PDE4D: variants seen among roughly 807,000 people sequenced by gnomAD.
PDE4D encodes the protein phosphodiesterase 4D, also known as 3',5'-cyclic-AMP phosphodiesterase 4D.
In PDE4D, 24 loss-of-function variants were observed where a neutral mutation model predicts 87.4. The ratio of observed to expected loss-of-function variants is 0.27; its 90% CI spans 0.20 to 0.39. The LOEUF (loss-of-function observed/expected upper bound fraction) is 0.39. Ranked by LOEUF, PDE4D falls within the 10% of genes least tolerant of loss-of-function variation. PDE4D has a pLI of 1.00. For missense variants in PDE4D, 714 were observed against 1,041.0 expected, an observed-to-expected ratio of 0.69 and a Z score of 4.32; for synonymous variants, 384 against 383.2, an observed-to-expected ratio of 1.00 and a Z score of -0.02.
chr5:59,330,621 AT>A (rs139436001), intron 1 of PDE4D, among the ~76,000 whole-genome samples: 1 of 152,058 alleles, frequency 6.6e-6, no homozygotes, highest in African/African-American at 2.4e-5. Context: ...AGAGAAAACC[AT>A]TTTTTTTATT....
chr5:59,362,597 G>A (rs1381329217), intron 1 of PDE4D, among the ~76,000 whole-genome samples: 3 of 152,084 alleles, frequency 2.0e-5, no homozygotes, highest in Non-Finnish European at 4.4e-5. Context: ...CCTAAATATA[G>A]AAATGTTTCT....
intron 5 of PDE4D, among the ~76,000 whole-genome samples, chr5:59,054,477 G>A (rs968746169): frequency 6.6e-6 from 1 of 152,018 alleles, no homozygotes; most frequent in African/African-American, 2.4e-5. Flanking sequence ...AAAAGGTAGA[G>A]GAGAGCAGTG....
chr5:60,251,649 T>C (rs936360868), intron 1 of PDE4D, among the ~76,000 whole-genome samples: 1 of 151,984 alleles, frequency 6.6e-6, no homozygotes, highest in African/African-American at 2.4e-5. Flanking sequence ...TCTTTGCTAT[T>C]ATGAATAGTG....
At chr5:60,461,064 T>C (rs753288125) in intron 1 of PDE4D, among the ~76,000 whole-genome samples, 1 of 152,046 alleles carries the variant, frequency 6.6e-6, no homozygotes, top group African/African-American at 2.4e-5. Context: ...TAATAGTTAG[T>C]TCTTTAACAA....
chr5:59,607,432 C>G (rs1405179731), intron 1 of PDE4D, among the ~76,000 whole-genome samples: 1 of 152,046 alleles, frequency 6.6e-6, no homozygotes, highest in Admixed American at 6.6e-5. Context: ...CCAAATAGTT[C>G]TGTACGTTTT....
chr5:59,204,818 T>C (rs1263533802), intron 2 of PDE4D, among the ~76,000 whole-genome samples: 1 of 152,216 alleles, frequency 6.6e-6, no homozygotes, highest in African/African-American at 2.4e-5. Context: ...AATGGGATCC[T>C]AGGGAAAAGA....
intron 1 of PDE4D, among the ~76,000 whole-genome samples, chr5:59,739,830 T>C (rs1389041991): frequency 6.6e-6 from 1 of 152,096 alleles, no homozygotes; most frequent in African/African-American, 2.4e-5. Flanking sequence ...ATGTCCAATA[T>C]GAAGAGAATG....
intron 6 of PDE4D, among the ~76,000 whole-genome samples, chr5:59,015,230 G>A (rs377289835): frequency 0.099 from 14,987 of 151,154 alleles, 977 homozygotes; most frequent in Non-Finnish European, 0.13. Context: ...CTTCATGTCT[G>A]AAACACCAAA....
At chr5:59,580,587 C>T (rs183138633) in intron 1 of PDE4D, among the ~76,000 whole-genome samples, 24 of 152,144 alleles carry the variant, frequency 1.6e-4, no homozygotes, top group Admixed American at 1.0e-3. Flanking sequence ...CCACCTTAGC[C>T]TCCCTGAGTA....
At chr5:60,360,727 A>G (rs1439643449) in intron 1 of PDE4D, among the ~76,000 whole-genome samples, 3 of 152,230 alleles carry the variant, frequency 2.0e-5, no homozygotes, top group Non-Finnish European at 2.9e-5. Flanking sequence ...ACAGTGCTGA[A>G]TCATCAAGTC....
chr5:60,085,741 A>C (rs1316360305), intron 2 of PDE4D, among the ~76,000 whole-genome samples: 1 of 152,144 alleles, frequency 6.6e-6, no homozygotes, highest in Non-Finnish European at 1.5e-5. Context: ...ATAACTAATA[A>C]ACTTTCATCA....
chr5:59,632,263 C>A (rs929674771), intron 1 of PDE4D, among the ~76,000 whole-genome samples: 2 of 152,162 alleles, frequency 1.3e-5, no homozygotes, highest in Non-Finnish European at 2.9e-5. Context: ...ACAGATAAAA[C>A]TCCCATCTCC....
At chr5:59,270,798 C>T (rs1055891793) in intron 1 of PDE4D, among the ~76,000 whole-genome samples, 3 of 152,120 alleles carry the variant, frequency 2.0e-5, no homozygotes, top group African/African-American at 7.2e-5. Flanking sequence ...TAGAGGAAGG[C>T]AACAAGCTGA....
At chr5:60,487,514 C>T (rs768354972) in intron 1 of PDE4D, among the ~76,000 whole-genome samples, 6 of 152,194 alleles carry the variant, frequency 3.9e-5, no homozygotes, top group Non-Finnish European at 8.8e-5. Context: ...CTGTGTACCC[C>T]TGTCCCCAAA....
intron 5 of PDE4D, among the ~76,000 whole-genome samples, chr5:59,122,606 C>T (rs1774738535): frequency 6.6e-6 from 1 of 152,198 alleles, no homozygotes; most frequent in Non-Finnish European, 1.5e-5. Context: ...CATCATTATA[C>T]ATATTGTGTA....
At chr5:59,288,371 C>T (rs1429287282) in intron 1 of PDE4D, among the ~76,000 whole-genome samples, 1 of 151,596 alleles carries the variant, frequency 6.6e-6, no homozygotes, top group Non-Finnish European at 1.5e-5. Context: ...GAACTGTGAG[C>T]TTGAAGACAG....
At chr5:59,420,890 G>T (rs1174724903) in intron 1 of PDE4D, among the ~76,000 whole-genome samples, 1 of 152,080 alleles carries the variant, frequency 6.6e-6, no homozygotes, top group East Asian at 1.9e-4. Flanking sequence ...AGTCAGGGTA[G>T]CAGGGGGCAG....
chr5:59,413,325 G>T lies in PDE4D; in HGVS notation c.456-197357C>A, dbSNP rs1185259462. Among the ~76,000 whole-genome samples, 14 of 152,006 alleles carry T rather than the reference G, an allele frequency of 9.2e-5. No homozygotes were observed. In the South Asian group the frequency reaches 2.9e-3, roughly 32 times the overall value. ...ACAAAAAAATTAGCCGGGCGTAGTG[G>T]TGGGGGCCTGTAGTCCCAGCTACTC... On this transcript the variant is annotated intron_variant, in intron 1 of 14. Coordinates refer to ENST00000340635, the MANE Select transcript of PDE4D (RefSeq NM_001104631.2).
chr5:59,264,455 G>A (rs762585240), intron 1 of PDE4D, among the ~76,000 whole-genome samples: 3 of 151,842 alleles, frequency 2.0e-5, no homozygotes, highest in Non-Finnish European at 2.9e-5. Flanking sequence ...TCAGTTACAC[G>A]AATACCTTTA....
Sources: gnomAD v4.1 joint callset for allele counts (sites outside exome capture counted in the v4.1 genomes callset) on GRCh38, gnomAD v4.1.1 for gene constraint, MANE v1.5 for transcripts, NCBI Gene and HGNC (gene_info 2026-07-23, HGNC 2026-07-21) for gene names.